The following SLC24A2 variants were observed in gnomAD, a reference collection of about 807,000 sequenced individuals.
SLC24A2 encodes solute carrier family 24 member 2, also known as sodium/potassium/calcium exchanger 2.
A neutral mutation model predicts 62.0 loss-of-function variants in SLC24A2; 36 were observed. The ratio of observed to expected loss-of-function variants is 0.58; its 90% CI spans 0.44 to 0.77. The LOEUF is 0.77. Among genes scored for constraint, SLC24A2 ranks in the 30% least tolerant of loss-of-function variants. The pLI is 0.00. For synonymous variants in SLC24A2, 358 were observed against 294.0 expected, an observed-to-expected ratio of 1.22 and a Z score of -2.23; for missense variants, 846 against 817.9, an observed-to-expected ratio of 1.03 and a Z score of -0.42.
the SLC24A2 span, among the ~76,000 whole-genome samples, chr9:20,124,390 GA>G: frequency 1.3e-5 from 2 of 151,422 alleles, no homozygotes; most frequent in African/African-American, 2.4e-5. Context: ...AGAAGAAGAA[GA>G]AAAAAGTTTT....
the SLC24A2 span, among the ~76,000 whole-genome samples, chr9:20,064,137 A>G: frequency 6.6e-6 from 1 of 152,226 alleles, no homozygotes; most frequent in African/African-American, 2.4e-5. Context: ...TTTGTCAGCA[A>G]TTGAAAGGAA....
At chr9:19,734,495 A>G (rs1020534952) in intron 2 of SLC24A2, among the ~76,000 whole-genome samples, 6 of 152,098 alleles carry the variant, frequency 3.9e-5, no homozygotes, top group African/African-American at 1.4e-4. Context: ...CATTTTCACA[A>G]TATTGATTCT....
chr9:20,043,240 T>C, the SLC24A2 span, among the ~76,000 whole-genome samples: 1 of 152,160 alleles, frequency 6.6e-6, no homozygotes, highest in African/African-American at 2.4e-5. Context: ...GCTACTCCAG[T>C]GAGCAAAAGA....
At chr9:19,907,389 T>C in the SLC24A2 span, among the ~76,000 whole-genome samples, 2 of 152,178 alleles carry the variant, frequency 1.3e-5, no homozygotes, top group African/African-American at 4.8e-5. Flanking sequence ...GGGCAAAAAC[T>C]GGAAGCATTC....
chr9:19,724,211 T>A (rs534792443), intron 2 of SLC24A2, among the ~76,000 whole-genome samples: 1 of 152,176 alleles, frequency 6.6e-6, no homozygotes, highest in African/African-American at 2.4e-5. Context: ...AATTCAGAAC[T>A]ACAAAGTTTG....
chr9:19,665,347 T>C (rs763251814), intron 2 of SLC24A2, among the ~76,000 whole-genome samples: 1 of 152,136 alleles, frequency 6.6e-6, no homozygotes, highest in Non-Finnish European at 1.5e-5. Flanking sequence ...TGAAGACTGC[T>C]AGCACTTCAG....
At chr9:19,589,187 A>ATAAC (rs1836473052) in intron 5 of SLC24A2, among the ~76,000 whole-genome samples, 1 of 152,204 alleles carries the variant, frequency 6.6e-6, no homozygotes, top group South Asian at 2.1e-4. Context: ...CATTGTTGTA[A>ATAAC]TAACTAAATA....
chr9:20,095,399 T>C, the SLC24A2 span, among the ~76,000 whole-genome samples: 1 of 152,160 alleles, frequency 6.6e-6, no homozygotes, highest in Non-Finnish European at 1.5e-5. Context: ...TGTAAGTGTG[T>C]TTTGGGATGA....
At chr9:19,880,918 C>G in the SLC24A2 span, among the ~76,000 whole-genome samples, 1 of 152,272 alleles carries the variant, frequency 6.6e-6, no homozygotes, top group South Asian at 2.1e-4. Context: ...AGCAGCTACT[C>G]TGGAGCCAGA....
the SLC24A2 span, among the ~76,000 whole-genome samples, chr9:20,303,693 C>T: frequency 3.9e-5 from 6 of 152,348 alleles, no homozygotes; most frequent in African/African-American, 1.4e-4. Context: ...GAAGTCTTTC[C>T]TCCACCTGAC....
the SLC24A2 span, among the ~76,000 whole-genome samples, chr9:19,977,814 G>C: frequency 6.6e-6 from 1 of 152,190 alleles, no homozygotes; most frequent in Non-Finnish European, 1.5e-5. Flanking sequence ...AAAGGTCAGA[G>C]AAGGAAGGAG....
the SLC24A2 span, among the ~76,000 whole-genome samples, chr9:19,832,210 A>G: frequency 6.6e-6 from 1 of 152,212 alleles, no homozygotes; most frequent in African/African-American, 2.4e-5. Context: ...AGAGCATTCC[A>G]ACTGTAACCC....
chr9:19,569,390 T>G (rs534977245), intron 7 of SLC24A2, among the ~76,000 whole-genome samples: 2 of 152,224 alleles, frequency 1.3e-5, no homozygotes, highest in Non-Finnish European at 2.9e-5. Flanking sequence ...AAGAGAATTG[T>G]CTTTCTATAA....
the SLC24A2 span, among the ~76,000 whole-genome samples, chr9:20,045,164 T>C: frequency 6.6e-6 from 1 of 152,228 alleles, no homozygotes; most frequent in African/African-American, 2.4e-5. Flanking sequence ...GAACTTACTA[T>C]ATGCTAGACC....
chr9:20,243,852 G>C, the SLC24A2 span, among the ~76,000 whole-genome samples: 2 of 152,182 alleles, frequency 1.3e-5, no homozygotes, highest in African/African-American at 2.4e-5. Flanking sequence ...CTCCAGGCCA[G>C]TGTGACAATC....
chr9:20,243,890 G>C, the SLC24A2 span, among the ~76,000 whole-genome samples: 2 of 152,096 alleles, frequency 1.3e-5, no homozygotes, highest in African/African-American at 4.8e-5. Context: ...TTCTTTCTGA[G>C]ATAATTTCTC....
the SLC24A2 span, among the ~76,000 whole-genome samples, chr9:20,161,550 G>C: frequency 6.6e-5 from 10 of 151,058 alleles, no homozygotes; most frequent in East Asian, 2.0e-3. Flanking sequence ...TTTATCTAAG[G>C]GATGAAAGGA....
chr9:19,577,507 G>C (rs776251022), intron 5 of SLC24A2, among the ~76,000 whole-genome samples: 2 of 152,076 alleles, frequency 1.3e-5, no homozygotes, highest in African/African-American at 4.8e-5. Context: ...AACACTTCTG[G>C]TCCCAAGCGT....
chr9:20,253,947 G>A, the SLC24A2 span, among the ~76,000 whole-genome samples: 1 of 152,112 alleles, frequency 6.6e-6, no homozygotes, highest in Non-Finnish European at 1.5e-5. Context: ...TGGTAAAGGA[G>A]GACCAATGAG....
Sources: gnomAD v4.1 joint callset for allele counts (sites outside exome capture counted in the v4.1 genomes callset) on GRCh38, gnomAD v4.1.1 for gene constraint, MANE v1.5 for transcripts, NCBI Gene and HGNC (gene_info 2026-07-23, HGNC 2026-07-21) for gene names.